DCTN1: variants seen among roughly 807,000 people sequenced by gnomAD.
DCTN1 encodes dynactin subunit 1.
DCTN1 carries 61 observed loss-of-function variants against 161.2 expected under a neutral mutation model. The observed-to-expected ratio is 0.38, with a 90% CI of 0.31 to 0.47. DCTN1 has a LOEUF of 0.47. Ranked by LOEUF, DCTN1 falls within the 20% of genes least tolerant of loss-of-function variation. The pLI, the probability that DCTN1 is intolerant of heterozygous loss-of-function variation, is 0.99. For synonymous variants in DCTN1, 653 were observed against 632.4 expected, an observed-to-expected ratio of 1.03 and a Z score of -0.49; for missense variants, 1,404 against 1,623.7, an observed-to-expected ratio of 0.86 and a Z score of 2.33.
chr2:74,363,578 C>G (rs750157938), intron 27 of DCTN1, 36 bp downstream of exon 27: 2 of 1,612,246 alleles, frequency 1.2e-6, no homozygotes, highest in Non-Finnish European at 1.7e-6. Context: ...CCAACTCCCA[C>G]CAGCCTGGTA....
Position 74,365,652 on chromosome 2 carries a change from C to A in DCTN1, c.2892G>T (p.Glu964Asp), listed in dbSNP as rs1409386348. The change falls in exon 25 of 32, where the codon GAG (glutamate) becomes GAT (aspartate). Residue 964 changes from glutamate (E) to aspartate (D), a missense_variant. Coordinates refer to ENST00000628224, the MANE Select transcript of DCTN1 (RefSeq NM_004082.5). ...ELKKSLKIKG[E>D]ELSEANVRLS... ...GCCGCACATTGGCCTCACTTAGCTCCTCTCCCTGGACAAGGACAGAACTTC... is the reference window on the plus strand; with the variant it reads ...GCCGCACATTGGCCTCACTTAGCTCATCTCCCTGGACAAGGACAGAACTTC... 1 of 1,614,160 alleles carries A rather than the reference C, an allele frequency of 6.2e-7. No individual in the cohort carries two copies. Among genetic ancestry groups the A allele is most frequent in the African/African-American group, 1.3e-5 (1 of 75,032 alleles).
chr2:74,366,256 C>G lies in DCTN1; in HGVS notation c.2748G>C (p.Arg916=). The G allele has an allele frequency of 6.2e-7, 1 of 1,614,170 alleles. No homozygotes were observed. Among genetic ancestry groups the G allele is most frequent in the Non-Finnish European group, 8.5e-7 (1 of 1,180,010 alleles). The change falls in exon 23 of 32, where the codon CGG becomes CGC. Residue 916 remains arginine, a synonymous_variant. Coordinates refer to ENST00000628224, the MANE Select transcript of DCTN1 (RefSeq NM_004082.5). ...AATCTCCACCTACCTTGCTGGGGGG[C>G]CGCTCTGCATCATACTCCCCCTCCT... ...AMQEGEYDAE[R]PPSKPPPVEL...
upstream of DCTN1, chr2:74,380,456 T>C (rs1405690146): frequency 2.1e-6 from 1 of 480,620 alleles, no homozygotes; most frequent in Non-Finnish European, 4.3e-6. Flanking sequence ...GTCCTAGGGC[T>C]GGAAGCAGTC....
Position 74,370,985 on chromosome 2 carries a change from C to T in DCTN1, c.837G>A (p.Ala279=), listed in dbSNP as rs72466489. The T allele has an allele frequency of 3.9e-4, 623 of 1,613,804 alleles. No homozygotes were observed. The highest frequency in any genetic ancestry group is 4.9e-4 in the Non-Finnish European group (584 of 1,180,042). Reference sequence around the variant, plus strand: ...CCTTCATCCAGAGTCAAACCTTTCTCGCCTCCTTGAGGCGCCGCTGCAGGT... The same window carrying T: ...CCTTCATCCAGAGTCAAACCTTTCTTGCCTCCTTGAGGCGCCGCTGCAGGT... ...QADLQRRLKE[A]RKEAKEALEA... is the part of the protein sequence containing the mutation. Residue 279 remains alanine, a synonymous_variant, in exon 9 of 32, where the codon GCG becomes GCA. Transcript: ENST00000628224. The surrounding 1 kb of genome is among the most constrained non-coding windows in gnomAD (Gnocchi z 4.4).
Position 74,367,804 on chromosome 2 carries a change from C to T in DCTN1, c.2076G>A (p.Met692Ile), listed in dbSNP as rs771017762. 6.2e-7 allele frequency: 1 copy of T among 1,614,172 alleles called. No individual in the cohort carries two copies. Among genetic ancestry groups the T allele is most frequent in the South Asian group, 1.1e-5 (1 of 91,086 alleles). ...AATCCAAGGAGCGCTCATGGGCACT[C>T]ATCTCAGGGTACAGGCTGCCCACTT... is the stretch of plus-strand genomic sequence containing the variant. ...YKKVGSLYPE[M>I]SAHERSLDFL... Residue 692 changes from methionine (M) to isoleucine (I), a missense_variant, in exon 18 of 32, where the codon ATG (methionine) becomes ATA (isoleucine). This residue lies in a region of DCTN1 where 475 missense variants were observed against 489.8 expected (regional missense o/e 0.97). Transcript: ENST00000628224.
upstream of DCTN1, chr2:74,380,634 C>G (rs1294061006): frequency 4.3e-6 from 2 of 463,400 alleles, no homozygotes; most frequent in Non-Finnish European, 9.0e-6. Flanking sequence ...TTCTGGTGCT[C>G]TTCTCTCTCC....
chr2:74,371,777 G>A, intron 7 of DCTN1, 49 bp from the exon 8 acceptor site: 1 of 1,456,630 alleles, frequency 6.9e-7, no homozygotes, highest in Non-Finnish European at 9.5e-7. Flanking sequence ...GAGGATAGGG[G>A]TAGTAAGAGG....
chr2:74,378,267 A>C (rs368192479), intron 1 of DCTN1, 22 bp from the exon 2 acceptor site: 9 of 1,601,920 alleles, frequency 5.6e-6, no homozygotes, highest in Middle Eastern at 2.0e-4. Flanking sequence ...AGGTAAACAC[A>C]GACAGTTAGA....
At chr2:74,382,254 T>G (rs938445630), upstream of DCTN1, among the ~76,000 whole-genome samples, 2 of 152,224 alleles carry the variant, frequency 1.3e-5, no homozygotes, top group Non-Finnish European at 2.9e-5. Flanking sequence ...GAAAATAATA[T>G]CTGCCATATC....
upstream of DCTN1, among the ~76,000 whole-genome samples, chr2:74,383,123 T>C (rs546491269): frequency 1.3e-5 from 2 of 151,448 alleles, no homozygotes; most frequent in Admixed American, 1.3e-4. Flanking sequence ...ATAAAAAATA[T>C]GTGGAAAGGC....
chr2:74,365,736 T>C, intron 24 of DCTN1, 79 bp from the exon 25 acceptor site: 3 of 1,612,520 alleles, frequency 1.9e-6, no homozygotes, highest in South Asian at 1.1e-5. Context: ...CATGAGATAG[T>C]AGGTTCCCTG....
chr2:74,383,701 G>A (rs1323799597), upstream of DCTN1: 1 of 152,216 alleles, frequency 6.6e-6, no homozygotes, highest in Non-Finnish European at 1.5e-5. Flanking sequence ...GATCAAACAT[G>A]AGGAAAGAGG....
Position 74,366,768 on chromosome 2 carries a change from G to A in DCTN1, c.2466+15C>T, listed in dbSNP as rs1169240029. The A allele has an allele frequency of 6.2e-7, 1 of 1,614,240 alleles. No individual in the cohort carries two copies. The highest frequency in any genetic ancestry group is 1.1e-5 in the South Asian group (1 of 91,090). ...CTACTCAGTTTCCTTCCCTTCCCCA[G>A]TTGCAGCCTTAAACCTGTGGTCCAA... On this transcript the variant is annotated intron_variant, in intron 21 of 31. Coordinates refer to ENST00000628224, the MANE Select transcript of DCTN1 (RefSeq NM_004082.5).
rs1674688546 is a variant in DCTN1 at position 74,369,684 on chromosome 2, A to G, written c.1393-193T>C. Among the ~76,000 whole-genome samples the G allele has an allele frequency of 6.6e-6, 1 of 152,134 alleles. No homozygotes were observed. Among genetic ancestry groups the G allele is most frequent in the Admixed American group, 6.5e-5 (1 of 15,280 alleles). On this transcript the variant is annotated intron_variant, in intron 13 of 31. Transcript: ENST00000628224. This position sits in a 1 kb window ranked among gnomAD's most constrained non-coding sequence, Gnocchi z 4.9. ...AAAAATTAGCTGGGTATGGTGGCGCATGCCTGTAGTACCAGCTACTCGGGA... is the reference window on the plus strand; with the variant it reads ...AAAAATTAGCTGGGTATGGTGGCGCGTGCCTGTAGTACCAGCTACTCGGGA...
At chr2:74,364,161 T>G (rs189148887) in intron 26 of DCTN1, 78 of 169,322 alleles carry the variant, frequency 4.6e-4, no homozygotes, top group African/African-American at 1.7e-3. Flanking sequence ...GTTTCAAGAG[T>G]GCTAAAAACA....
At chr2:74,367,202 A>C in intron 19 of DCTN1, 95 bp from the exon 20 acceptor site, 1 of 1,546,158 alleles carries the variant, frequency 6.5e-7, no homozygotes. Context: ...GCTGACCCCC[A>C]TACATAAGTA....
In DCTN1 at chr2:74,370,669, C is replaced by T. The variant is rs563898085; in HGVS notation, c.1000G>A (p.Glu334Lys). 6 of 1,614,194 alleles carry T rather than the reference C, an allele frequency of 3.7e-6. No homozygotes were observed. In the African/African-American group the frequency reaches 4.0e-5, roughly 11 times the overall value. The change falls in exon 10 of 32, where the codon GAG (glutamate) becomes AAG (lysine). Residue 334 changes from glutamate (E) to lysine (K), a missense_variant. Glu to Lys is a moderately conservative substitution (Grantham distance 56). Coordinates refer to ENST00000628224, the MANE Select transcript of DCTN1 (RefSeq NM_004082.5). The surrounding 1 kb of genome is among the most constrained non-coding windows in gnomAD (Gnocchi z 4.4). ...EVEALKERVD[E>K]LTTDLEILKA... ...AGGATCTCTAAGTCAGTAGTGAGCTCGTCCACCCGCTCCTTCAGTGCCTCC... is the reference window on the plus strand; with the variant it reads ...AGGATCTCTAAGTCAGTAGTGAGCTTGTCCACCCGCTCCTTCAGTGCCTCC...
upstream of DCTN1, chr2:74,380,340 A>C: frequency 1.8e-6 from 1 of 542,202 alleles, no homozygotes; most frequent in Non-Finnish European, 3.5e-6. Context: ...ACTTGTCAGG[A>C]ACCGTGCTAG....
upstream of DCTN1, chr2:74,383,613 T>C (rs1675604962): frequency 6.6e-6 from 1 of 152,198 alleles, no homozygotes; most frequent in African/African-American, 2.4e-5. Context: ...TAAGGAAGGT[T>C]TGAACCAGGA....
Sources: allele counts gnomAD v4.1 joint callset (sites outside exome capture counted in the v4.1 genomes callset), GRCh38; gene constraint gnomAD v4.1.1; regional missense constraint gnomAD v4.1.1; non-coding constraint Gnocchi (gnomAD v3.1); transcripts MANE v1.5; gene names NCBI Gene and HGNC (gene_info 2026-07-23, HGNC 2026-07-21).